MSL2: variants seen among roughly 807,000 people sequenced by gnomAD.
MSL2 encodes the protein MSL complex subunit 2, also known as E3 ubiquitin-protein ligase MSL2.
A neutral mutation model predicts 35.8 loss-of-function variants in MSL2; 2 were observed. The observed-to-expected ratio is 0.06, with a 90% CI of 0.02 to 0.18. The LOEUF (loss-of-function observed/expected upper bound fraction) is 0.18. MSL2 is among the 10% of genes least tolerant of loss of function. The pLI, the probability that MSL2 is intolerant of heterozygous loss-of-function variation, is 1.00. For missense variants in MSL2, 523 were observed against 706.7 expected (o/e 0.74, Z 2.95); for synonymous variants, 296 against 255.7 (o/e 1.16, Z -1.50).
At chr3:136,161,499 T>C (rs1342754720) in intron 1 of MSL2, among the ~76,000 whole-genome samples, 1 of 152,164 alleles carries the variant, frequency 6.6e-6, no homozygotes, top group Non-Finnish European at 1.5e-5. Context: ...ATAAACAAAA[T>C]GTATATTCAT....
In MSL2 at chr3:136,195,499, C is replaced by A; in HGVS notation, c.-386G>T. 9.9e-7 allele frequency: 1 copy of A among 1,013,762 alleles called. No individual in the cohort carries two copies. The highest frequency in any genetic ancestry group is 1.2e-6 in the Non-Finnish European group (1 of 848,308). 62.8% of individuals were successfully genotyped at this position (1,013,762 alleles called of 1,614,324 possible). A position where few individuals can be genotyped will look rare whatever the true frequency, so the allele number is the denominator to read the frequency against. On this transcript the variant is annotated 5_prime_UTR_variant, in exon 1 of 2. Coordinates refer to ENST00000309993, the MANE Select transcript of MSL2 (RefSeq NM_018133.4). Reference sequence around the variant, plus strand: ...ATCTCCGGACACGGAGGCGCCTCCTCAAGTCGAGCTGGCAGGCGCGGGAGC... The same window carrying A: ...ATCTCCGGACACGGAGGCGCCTCCTAAAGTCGAGCTGGCAGGCGCGGGAGC...
At chr3:136,192,906 GATTTT>G in intron 1 of MSL2, among the ~76,000 whole-genome samples, 1 of 152,266 alleles carries the variant, frequency 6.6e-6, no homozygotes, top group South Asian at 2.1e-4. Flanking sequence ...TCAAATAACT[GATTTT>G]TTTTCTATGT....
intron 1 of MSL2, among the ~76,000 whole-genome samples, chr3:136,156,772 G>C (rs1453275221): frequency 6.6e-6 from 1 of 152,088 alleles, no homozygotes; most frequent in Non-Finnish European, 1.5e-5. Flanking sequence ...GGAGAATAGC[G>C]TGAACCCAGG....
chr3:136,195,549 G>A lies in MSL2; in HGVS notation c.-436C>T. ...CAGGCCCCGGCCCCGTCTGAGGCGC[G>A]GCACGCTTCTCCCGGGCTGCAGGGC... On this transcript the variant is annotated 5_prime_UTR_variant, in exon 1 of 2. Coordinates refer to ENST00000309993, the MANE Select transcript of MSL2 (RefSeq NM_018133.4). 1.0e-6 allele frequency: 1 copy of A among 1,000,916 alleles called. No homozygotes were observed. Among genetic ancestry groups the A allele is most frequent in the Non-Finnish European group, 1.2e-6 (1 of 840,182 alleles). The allele number at this position is 1,000,916 out of a possible 1,614,324, so 62.0% of individuals were successfully genotyped here.
At chr3:136,166,062 TAAAAAAAA>T (rs34420183) in intron 1 of MSL2, among the ~76,000 whole-genome samples, 4,097 of 80,170 alleles carry the variant, frequency 0.051, 246 homozygotes, top group African/African-American at 0.18. Flanking sequence ...TACGTACCAG[TAAAAAAAA>T]AAAAAAAAAA....
Position 136,150,538 on chromosome 3 carries a change from T to C in MSL2, c.*609A>G, listed in dbSNP as rs964348018. 3.3e-5 allele frequency: 5 copies of C among 152,732 alleles called. No individual in the cohort carries two copies. The highest frequency in any genetic ancestry group is 6.5e-5 in the Admixed American group (1 of 15,296). The allele number at this position is 152,732 out of a possible 1,614,324, so 9.5% of individuals were successfully genotyped here. ...CATTTGTAGTCTGACAGAATTTTACTTTTTAAAAAGATTTCTTAAACATTC... is the reference window on the plus strand; with the variant it reads ...CATTTGTAGTCTGACAGAATTTTACCTTTTAAAAAGATTTCTTAAACATTC... On this transcript the variant is annotated 3_prime_UTR_variant, in exon 2 of 2. Transcript: ENST00000309993.
rs147838441 is a variant in MSL2 at position 136,181,850 on chromosome 3, C to T, written c.142+13122G>A. Reference sequence around the variant, plus strand: ...AGAAGAACTGCTGGAACCCAGGAGACGAAGGTTGCAGTGAGCCAACACAGT... The same window carrying T: ...AGAAGAACTGCTGGAACCCAGGAGATGAAGGTTGCAGTGAGCCAACACAGT... On this transcript the variant is annotated intron_variant, in intron 1 of 1. Transcript: ENST00000309993. Among the ~76,000 whole-genome samples, 219 of 151,944 alleles carry T rather than the reference C, an allele frequency of 1.4e-3. 2 individuals carry two copies. Among genetic ancestry groups the T allele is most frequent in the South Asian group, 4.6e-3 (22 of 4,814 alleles).
intron 1 of MSL2, among the ~76,000 whole-genome samples, chr3:136,179,756 G>C (rs1431130373): frequency 1.3e-5 from 2 of 152,162 alleles, no homozygotes; most frequent in East Asian, 3.8e-4. Flanking sequence ...TGCATTTGTT[G>C]ACATATCTAC....
At chr3:136,153,525 T>C (rs144337842) in intron 1 of MSL2, among the ~76,000 whole-genome samples, 3 of 152,194 alleles carry the variant, frequency 2.0e-5, no homozygotes, top group African/African-American at 7.2e-5. Flanking sequence ...CAGTGGCTCA[T>C]GCCTATAATC....
At chr3:136,181,260 T>C (rs903824203) in intron 1 of MSL2, among the ~76,000 whole-genome samples, 59 of 152,288 alleles carry the variant, frequency 3.9e-4, no homozygotes, top group African/African-American at 1.4e-3. Context: ...TCTTAATGCT[T>C]CTTGTCTCTA....
chr3:136,195,674 C>G lies in MSL2; in HGVS notation c.-561G>C, dbSNP rs1940822342. ...GATCTAGTGCAAGACGCCGCGGCGG[C>G]GACGAAGGTTGATGTTGCGGCTGGC... is the stretch of plus-strand genomic sequence containing the variant. On this transcript the variant is annotated 5_prime_UTR_variant, in exon 1 of 2. Transcript: ENST00000309993. 3.0e-6 allele frequency: 3 copies of G among 985,658 alleles called. No individual in the cohort carries two copies. Among genetic ancestry groups the G allele is most frequent in the Non-Finnish European group, 3.6e-6 (3 of 830,100 alleles). 61.1% of individuals were successfully genotyped at this position (985,658 alleles called of 1,614,324 possible). A position where few individuals can be genotyped will look rare whatever the true frequency, so the allele number is the denominator to read the frequency against.
At chr3:136,156,990 C>T (rs76039792) in intron 1 of MSL2, among the ~76,000 whole-genome samples, 2,781 of 152,060 alleles carry the variant, frequency 0.018, 81 homozygotes, top group African/African-American at 0.062. Flanking sequence ...ATTGTAAAGC[C>T]CATTTTTAAA....
In MSL2 at chr3:136,156,550, T is replaced by A. The variant is rs542367617; in HGVS notation, c.143-3812A>T. 4.6e-5 allele frequency among the ~76,000 whole-genome samples: 7 copies of A among 152,252 alleles called. No individual in the cohort carries two copies. In the East Asian group the frequency reaches 7.7e-4, roughly 17 times the overall value. The stretch of plus-strand genomic sequence containing the variant: ...TTAGAAAAAAAATTATGCCTCAATA[T>A]CCCCAACAAGATGGCTTAATAAATT... On this transcript the variant is annotated intron_variant, in intron 1 of 1. Transcript: ENST00000309993.
At chr3:136,158,020 A>C (rs1939582125) in intron 1 of MSL2, among the ~76,000 whole-genome samples, 1 of 152,214 alleles carries the variant, frequency 6.6e-6, no homozygotes, top group Admixed American at 6.5e-5. Flanking sequence ...AGACAAAAGA[A>C]AATACAAACC....
intron 1 of MSL2, among the ~76,000 whole-genome samples, chr3:136,184,071 G>A (rs531490343): frequency 2.2e-4 from 34 of 151,256 alleles, no homozygotes; most frequent in South Asian, 2.1e-3. Flanking sequence ...AAAGGCGGGC[G>A]GATCACGAAG....
intron 1 of MSL2, among the ~76,000 whole-genome samples, chr3:136,168,759 A>T (rs896763056): frequency 6.6e-6 from 1 of 152,010 alleles, no homozygotes; most frequent in Non-Finnish European, 1.5e-5. Flanking sequence ...ATAATAATAA[A>T]AAAAAAAAAC....
At chr3:136,158,457 G>C (rs939093117) in intron 1 of MSL2, among the ~76,000 whole-genome samples, 1 of 151,452 alleles carries the variant, frequency 6.6e-6, no homozygotes, top group Non-Finnish European at 1.5e-5. Flanking sequence ...ACGAGAAATT[G>C]AACTTCTTTA....
intron 1 of MSL2, among the ~76,000 whole-genome samples, chr3:136,165,534 A>G (rs1335079066): frequency 1.3e-5 from 2 of 152,202 alleles, no homozygotes; most frequent in Non-Finnish European, 2.9e-5. Flanking sequence ...ATAACTGTTG[A>G]TAATTAATTT....
At chr3:136,155,951 T>G (rs906711864) in intron 1 of MSL2, 4 of 496,724 alleles carry the variant, frequency 8.1e-6, no homozygotes, top group Admixed American at 6.8e-5. Flanking sequence ...ACTGTCTGCA[T>G]GTACCACTCT....
Sources: gnomAD v4.1 joint callset for allele counts (sites outside exome capture counted in the v4.1 genomes callset) on GRCh38, gnomAD v4.1.1 for gene constraint, MANE v1.5 for transcripts, NCBI Gene and HGNC (gene_info 2026-07-23, HGNC 2026-07-21) for gene names.